The following URI1 variants were observed in gnomAD, a reference collection of about 807,000 sequenced individuals.
URI1 encodes the protein URI1 prefoldin like chaperone, also known as unconventional prefoldin RPB5 interactor 1.
Under a neutral mutation model 60.2 loss-of-function variants are expected in URI1, and 39 were observed. The ratio of observed to expected loss-of-function variants is 0.65; its 90% CI spans 0.50 to 0.85. The LOEUF is 0.85. Among genes scored for constraint, URI1 ranks in the 40% least tolerant of loss-of-function variants. The probability of loss-of-function intolerance (pLI) is 0.00; values close to 1 mark genes in which losing one functional copy is unlikely to be tolerated. For synonymous variants in URI1, 251 were observed against 236.8 expected (o/e 1.06, Z -0.55); for missense variants, 691 against 665.9 (o/e 1.04, Z -0.42).
At chr19:29,928,228 G>C (rs1160521323) in intron 1 of URI1, among the ~76,000 whole-genome samples, 4 of 152,262 alleles carry the variant, frequency 2.6e-5, no homozygotes. Flanking sequence ...GAGTTTGGCT[G>C]GTTTGCTAGC....
At chr19:29,993,066 T>C (rs908044024) in intron 4 of URI1, among the ~76,000 whole-genome samples, 1 of 152,228 alleles carries the variant, frequency 6.6e-6, no homozygotes, top group African/African-American at 2.4e-5. Flanking sequence ...ATCTGACACA[T>C]TTATTTTATC....
At chr19:29,970,128 A>AATT (rs2055440197) in intron 1 of URI1, among the ~76,000 whole-genome samples, 1 of 74,564 alleles carries the variant, frequency 1.3e-5, no homozygotes, top group Non-Finnish European at 3.0e-5. Flanking sequence ...AATCGTGTGT[A>AATT]TTTTTTTTTT....
At chr19:30,003,878 A>G (rs2055907043) in intron 4 of URI1, among the ~76,000 whole-genome samples, 1 of 152,098 alleles carries the variant, frequency 6.6e-6, no homozygotes, top group African/African-American at 2.4e-5. Flanking sequence ...TTTAGATCTA[A>G]AGCTGGTTAG....
intron 4 of URI1, among the ~76,000 whole-genome samples, chr19:29,999,517 T>G (rs769832730): frequency 2.6e-5 from 4 of 152,126 alleles, no homozygotes; most frequent in African/African-American, 7.2e-5. Flanking sequence ...CCTTCTGTGC[T>G]TCAGGGTTTC....
At chr19:29,997,025 G>C (rs1299809920) in intron 4 of URI1, among the ~76,000 whole-genome samples, 1 of 151,988 alleles carries the variant, frequency 6.6e-6, no homozygotes, top group Non-Finnish European at 1.5e-5. Context: ...ATTTTGTTGA[G>C]GATTTTTATA....
At position 30,015,757 on chromosome 19, in the gene URI1, T is replaced by A. The variant is rs1470613840; in HGVS notation, c.*688T>A. 1.6e-6 allele frequency: 1 copy of A among 609,828 alleles called. No individual in the cohort carries two copies. The highest frequency in any genetic ancestry group is 2.8e-5 in the East Asian group (1 of 35,776). The allele number at this position is 609,828 out of a possible 1,614,324, so 37.8% of individuals were successfully genotyped here. A position where few individuals can be genotyped will look rare whatever the true frequency, so the allele number is the denominator to read the frequency against. On this transcript the variant is annotated 3_prime_UTR_variant, in exon 11 of 11. Transcript: ENST00000392271. ...AATTGAGTACAGATATGTCCTTGAT[T>A]CATATGTATGCTACATGTATCACAC...
At chr19:29,950,902 T>C (rs953074630) in intron 1 of URI1, among the ~76,000 whole-genome samples, 2 of 152,252 alleles carry the variant, frequency 1.3e-5, no homozygotes, top group Non-Finnish European at 2.9e-5. Flanking sequence ...ATCAGTTTTC[T>C]TGTAGAACGT....
At chr19:29,996,254 T>C (rs1026276400) in intron 4 of URI1, among the ~76,000 whole-genome samples, 1 of 152,172 alleles carries the variant, frequency 6.6e-6, no homozygotes, top group African/African-American at 2.4e-5. Flanking sequence ...GGATATCTAT[T>C]TATTTGTGTC....
intron 1 of URI1, among the ~76,000 whole-genome samples, chr19:29,970,806 A>T (rs2055449809): frequency 6.6e-6 from 1 of 152,150 alleles, no homozygotes; most frequent in Non-Finnish European, 1.5e-5. Context: ...AACTGACGAA[A>T]CGTGGATGTT....
chr19:30,008,536 C>T (rs1013985436), intron 7 of URI1, among the ~76,000 whole-genome samples: 1 of 151,996 alleles, frequency 6.6e-6, no homozygotes, highest in African/African-American at 2.4e-5. Flanking sequence ...AATGTTCACT[C>T]ATGCATATAG....
At chr19:30,013,807 A>G (rs991786366) in intron 10 of URI1, among the ~76,000 whole-genome samples, 1 of 152,186 alleles carries the variant, frequency 6.6e-6, no homozygotes, top group African/African-American at 2.4e-5. Flanking sequence ...TCATCGTGAT[A>G]AAGTGGAGTT....
rs142873190 is a variant in URI1, at chr19:29,963,201, A to G, written c.118-7992A>G. On this transcript the variant is annotated intron_variant, in intron 1 of 10. Transcript: ENST00000392271. ...AAATCCAGAATTCAAGATCTTTTCA[A>G]TATTGCTTCTGCTGCATTCTCTCTT... 1.2e-4 allele frequency among the ~76,000 whole-genome samples: 19 copies of G among 152,232 alleles called. No individual in the cohort carries two copies. The East Asian group carries it at 3.7e-3, about 29-fold the overall frequency.
At position 29,953,355 on chromosome 19, in the gene URI1, T is replaced by C. The variant is rs553911677; in HGVS notation, c.117+10691T>C. ...TCTGTGCTGATGAAGATTCCCTTCA[T>C]CAAAAAAAAAATTTATTGGACTTCA... On this transcript the variant is annotated intron_variant, in intron 1 of 10. Coordinates refer to ENST00000392271, the MANE Select transcript of URI1 (RefSeq NM_003796.3). Among the ~76,000 whole-genome samples the C allele has an allele frequency of 1.0e-3, 158 of 152,156 alleles. 3 individuals carry two copies. The highest frequency in any genetic ancestry group is 3.8e-3 in the African/African-American group (156 of 41,540).
chr19:29,969,835 GA>G (rs1371620002), intron 1 of URI1, among the ~76,000 whole-genome samples: 1 of 152,094 alleles, frequency 6.6e-6, no homozygotes, highest in Non-Finnish European at 1.5e-5. Flanking sequence ...CAGTGAAATG[GA>G]TTGATGTAGT....
Position 30,011,202 on chromosome 19 carries a change from C to T in URI1, c.1144C>T (p.Leu382=). Residue 382 remains leucine (L), a synonymous_variant, in exon 9 of 11, where the codon CTG becomes TTG. Transcript: ENST00000392271. ...TGGCAGTGGCCACTCTGCCCAGGAG[C>T]TGCCGACCATCAGGACGCCTGCAGA... is the stretch of plus-strand genomic sequence containing the variant. ...STGSGHSAQE[L]PTIRTPADIY... 6.2e-7 allele frequency: 1 copy of T among 1,610,560 alleles called. No homozygotes were observed. The highest frequency in any genetic ancestry group is 8.5e-7 in the Non-Finnish European group (1 of 1,178,766).
At chr19:29,941,391 A>AAGACAGGAGGTTC (rs2055022170), upstream of URI1, among the ~76,000 whole-genome samples, 1 of 152,054 alleles carries the variant, frequency 6.6e-6, no homozygotes, top group Non-Finnish European at 1.5e-5. Flanking sequence ...ACAGGAGGTT[A>AAGACAGGAGGTTC]GCTAAGACAG....
At chr19:29,996,396 A>G (rs1385729647) in intron 4 of URI1, among the ~76,000 whole-genome samples, 1 of 152,282 alleles carries the variant, frequency 6.6e-6, no homozygotes, top group South Asian at 2.1e-4. Context: ...TTGTTAGTGC[A>G]TAGAAATGCA....
intron 1 of URI1, among the ~76,000 whole-genome samples, chr19:29,949,889 G>A (rs1012203513): frequency 1.3e-5 from 2 of 151,732 alleles, no homozygotes; most frequent in Admixed American, 1.3e-4. Flanking sequence ...TGGCATCAGA[G>A]GGAGACCATG....
intron 4 of URI1, among the ~76,000 whole-genome samples, chr19:29,997,107 T>A (rs1478716541): frequency 3.3e-5 from 5 of 152,186 alleles, no homozygotes; most frequent in African/African-American, 1.2e-4. Flanking sequence ...ATGTGTTCCC[T>A]CCCTTTTCAT....
Sources: allele counts gnomAD v4.1 joint callset (sites outside exome capture counted in the v4.1 genomes callset), GRCh38; gene constraint gnomAD v4.1.1; transcripts MANE v1.5; gene names NCBI Gene and HGNC (gene_info 2026-07-23, HGNC 2026-07-21).